The following SCAPER variants were observed in gnomAD, a reference collection of about 807,000 sequenced individuals.
The protein encoded by SCAPER is S phase cyclin A-associated protein in the endoplasmic reticulum.
In SCAPER, 98 loss-of-function variants were observed where a neutral mutation model predicts 182.2. The observed-to-expected ratio is 0.54, with a 90% CI of 0.46 to 0.64. SCAPER has a LOEUF of 0.64. Among genes scored for constraint, SCAPER ranks in the 30% least tolerant of loss-of-function variants. SCAPER has a pLI of 0.00. For synonymous variants in SCAPER, 605 were observed against 564.6 expected (o/e 1.07, Z -1.01); for missense variants, 1,432 against 1,690.0 (o/e 0.85, Z 2.68).
chr15:76,673,220 T>A (rs972624233), intron 20 of SCAPER, among the ~76,000 whole-genome samples: 2 of 151,978 alleles, frequency 1.3e-5, no homozygotes, highest in African/African-American at 4.8e-5. Flanking sequence ...CCTCAGAACA[T>A]GCCTTAGAAA....
In SCAPER at chr15:76,491,821, G is replaced by A. The variant is rs190176424; in HGVS notation, c.2954+13038C>T. Reference sequence around the variant, plus strand: ...TAATTTTTGTATTTTTAATAGAGACGGGGTTTCACTATGTTGGCCAGGCTG... The same window carrying A: ...TAATTTTTGTATTTTTAATAGAGACAGGGTTTCACTATGTTGGCCAGGCTG... On this transcript the variant is annotated intron_variant, in intron 24 of 31. Coordinates refer to ENST00000563290, the MANE Select transcript of SCAPER (RefSeq NM_020843.4). 3.1e-4 allele frequency among the ~76,000 whole-genome samples: 47 copies of A among 152,148 alleles called. No individual in the cohort carries two copies. The East Asian group carries it at 5.6e-3, about 18-fold the overall frequency.
At chr15:76,819,882 A>C (rs2067385489) in intron 5 of SCAPER, among the ~76,000 whole-genome samples, 1 of 152,238 alleles carries the variant, frequency 6.6e-6, no homozygotes, top group Non-Finnish European at 1.5e-5. Flanking sequence ...CAATGAACCC[A>C]AACAAATTTA....
At chr15:76,497,061 C>T (rs1250425511) in intron 24 of SCAPER, among the ~76,000 whole-genome samples, 1 of 150,232 alleles carries the variant, frequency 6.7e-6, no homozygotes, top group Non-Finnish European at 1.5e-5. Context: ...GACTAGACTG[C>T]TTTCATTTCC....
chr15:76,715,197 C>T (rs1487806709), intron 17 of SCAPER, among the ~76,000 whole-genome samples: 2 of 151,512 alleles, frequency 1.3e-5, no homozygotes, highest in Non-Finnish European at 2.9e-5. Flanking sequence ...GCCAATACTA[C>T]TGGTGAGACA....
intron 24 of SCAPER, among the ~76,000 whole-genome samples, chr15:76,471,670 C>T (rs1386247314): frequency 6.6e-6 from 1 of 151,924 alleles, no homozygotes; most frequent in Non-Finnish European, 1.5e-5. Context: ...TGAAATAATA[C>T]CCAGAAAAAA....
chr15:76,606,379 T>A (rs1352405621), intron 22 of SCAPER, among the ~76,000 whole-genome samples: 1 of 151,936 alleles, frequency 6.6e-6, no homozygotes, highest in South Asian at 2.1e-4. Flanking sequence ...CACTGTGGCC[T>A]GAGAGTTTGT....
At chr15:76,439,562 T>C (rs771148619) in intron 25 of SCAPER, among the ~76,000 whole-genome samples, 1 of 152,222 alleles carries the variant, frequency 6.6e-6, no homozygotes, top group Non-Finnish European at 1.5e-5. Flanking sequence ...TGTGAGTGAG[T>C]TCTGATATTT....
chr15:76,562,105 A>C (rs2046678858), intron 23 of SCAPER, among the ~76,000 whole-genome samples: 2 of 137,974 alleles, frequency 1.4e-5, no homozygotes, highest in Non-Finnish European at 3.0e-5. Flanking sequence ...CTAAGACTGC[A>C]CCATTGCACT....
At chr15:76,438,740 C>A (rs984467889) in intron 25 of SCAPER, among the ~76,000 whole-genome samples, 3 of 152,208 alleles carry the variant, frequency 2.0e-5, no homozygotes, top group Non-Finnish European at 4.4e-5. Flanking sequence ...TCACCATGAT[C>A]TCCTATTTTC....
intron 20 of SCAPER, among the ~76,000 whole-genome samples, chr15:76,690,370 A>C (rs1176916857): frequency 6.6e-6 from 1 of 152,162 alleles, no homozygotes; most frequent in African/African-American, 2.4e-5. Context: ...AAACAAGAAA[A>C]GATTGAGAAA....
chr15:76,890,915 C>T (rs2074127393), intron 1 of SCAPER, among the ~76,000 whole-genome samples: 1 of 152,108 alleles, frequency 6.6e-6, no homozygotes, highest in East Asian at 1.9e-4. Context: ...TGCAAAAATC[C>T]TCAATAGAAT....
At chr15:76,834,207 T>C (rs1209879082) in intron 5 of SCAPER, among the ~76,000 whole-genome samples, 2 of 152,148 alleles carry the variant, frequency 1.3e-5, no homozygotes, top group East Asian at 3.8e-4. Context: ...CTCAAAAACA[T>C]ACAATTACAT....
intron 6 of SCAPER, among the ~76,000 whole-genome samples, chr15:76,800,959 T>C (rs948785422): frequency 1.3e-5 from 2 of 152,224 alleles, no homozygotes; most frequent in South Asian, 4.1e-4. Context: ...ATGCATAACA[T>C]GCCCTCAATC....
At chr15:76,471,119 G>C in intron 25 of SCAPER, 93 bp downstream of exon 25, 1 of 956,586 alleles carries the variant, frequency 1.0e-6, no homozygotes, top group Non-Finnish European at 1.4e-6. Context: ...TTTTCATCTG[G>C]AGAGTAACTA....
At chr15:76,676,859 C>T (rs944220649) in intron 20 of SCAPER, among the ~76,000 whole-genome samples, 17 of 150,650 alleles carry the variant, frequency 1.1e-4, no homozygotes, top group Admixed American at 7.3e-4. Flanking sequence ...GTTTTTGCTT[C>T]AATTTTCTAC....
intron 2 of SCAPER, among the ~76,000 whole-genome samples, chr15:76,881,981 T>C (rs2073571069): frequency 6.6e-6 from 1 of 152,240 alleles, no homozygotes; most frequent in South Asian, 2.1e-4. Flanking sequence ...CACTGTTTTA[T>C]AGTTTGAATT....
chr15:76,816,747 G>A (rs528004250), intron 5 of SCAPER, among the ~76,000 whole-genome samples: 145 of 151,578 alleles, frequency 9.6e-4, no homozygotes, highest in African/African-American at 3.3e-3. Flanking sequence ...CCACCTCCCA[G>A]GTTCACACCA....
At chr15:76,879,047 T>A (rs1050981414) in intron 2 of SCAPER, among the ~76,000 whole-genome samples, 4 of 152,168 alleles carry the variant, frequency 2.6e-5, no homozygotes, top group Admixed American at 6.5e-5. Context: ...TAGCCCCACT[T>A]TGGAAATCTG....
At chr15:76,779,433 A>T (rs1169381130) in intron 8 of SCAPER, among the ~76,000 whole-genome samples, 1 of 152,206 alleles carries the variant, frequency 6.6e-6, no homozygotes, top group Non-Finnish European at 1.5e-5. Flanking sequence ...ATGCCAATAA[A>T]TTCAATGACA....
Sources: gnomAD v4.1 joint callset for allele counts (sites outside exome capture counted in the v4.1 genomes callset) on GRCh38, gnomAD v4.1.1 for gene constraint, MANE v1.5 for transcripts, NCBI Gene and HGNC (gene_info 2026-07-23, HGNC 2026-07-21) for gene names.